TRPM3: variants seen among roughly 807,000 people sequenced by gnomAD.
TRPM3 encodes the protein transient receptor potential cation channel subfamily M member 3, also known as long transient receptor potential channel 3.
TRPM3 carries 77 observed loss-of-function variants against 181.2 expected under a neutral mutation model. The observed-to-expected ratio is 0.42, with a 90% CI of 0.35 to 0.51. The LOEUF is 0.51. Among genes scored for constraint, TRPM3 ranks in the 20% least tolerant of loss-of-function variants. The pLI, the probability that TRPM3 is intolerant of heterozygous loss-of-function variation, is 0.01. For synonymous variants in TRPM3, 745 were observed against 796.4 expected (o/e 0.94, Z 1.09); for missense variants, 1,759 against 2,196.7 (o/e 0.80, Z 3.98).
chr9:71,439,938 G>A (rs1325904853), intron 1 of TRPM3, among the ~76,000 whole-genome samples: 2 of 151,884 alleles, frequency 1.3e-5, no homozygotes, highest in Admixed American at 6.6e-5. Context: ...TGGCTAACAC[G>A]GTGAAACCCT....
chr9:70,784,067 C>A, intron 7 of TRPM3, 38 bp downstream of exon 7: 2 of 1,600,084 alleles, frequency 1.2e-6, no homozygotes, highest in Non-Finnish European at 8.5e-7. Context: ...TCCAAACAGG[C>A]TTTAGGGTTC....
chr9:71,295,512 A>G (rs2086187702), intron 1 of TRPM3, among the ~76,000 whole-genome samples: 1 of 151,406 alleles, frequency 6.6e-6, no homozygotes, highest in Non-Finnish European at 1.5e-5. Context: ...CTTATAAAGT[A>G]TGAACATGTA....
chr9:70,697,876 C>T (rs10780961), intron 8 of TRPM3, among the ~76,000 whole-genome samples: 32,640 of 152,048 alleles, frequency 0.21, 4,251 homozygotes, highest in Non-Finnish European at 0.29. Flanking sequence ...CAGGTCTGGG[C>T]TACTATCCCC....
At chr9:70,652,184 G>T (rs1414291002) in intron 9 of TRPM3, among the ~76,000 whole-genome samples, 1 of 152,128 alleles carries the variant, frequency 6.6e-6, no homozygotes, top group East Asian at 1.9e-4. Context: ...TATATGAACA[G>T]AAATAGGAAA....
At chr9:71,133,858 C>T (rs961754053) in intron 1 of TRPM3, among the ~76,000 whole-genome samples, 3 of 152,140 alleles carry the variant, frequency 2.0e-5, no homozygotes, top group African/African-American at 7.2e-5. Context: ...CAAACACTTA[C>T]TTACATATTC....
intron 1 of TRPM3, among the ~76,000 whole-genome samples, chr9:70,895,357 C>T (rs75704310): frequency 0.065 from 9,884 of 152,264 alleles, 351 homozygotes; most frequent in South Asian, 0.086. Flanking sequence ...TGGAAGATAG[C>T]TTACACTTTG....
chr9:70,993,065 G>C (rs575599740), intron 1 of TRPM3, among the ~76,000 whole-genome samples: 1 of 152,326 alleles, frequency 6.6e-6, no homozygotes, highest in South Asian at 2.1e-4. Context: ...TGTGCAGTAA[G>C]TAAGGGGTTG....
intron 1 of TRPM3, among the ~76,000 whole-genome samples, chr9:71,429,659 C>T (rs927925623): frequency 7.9e-5 from 12 of 152,194 alleles, no homozygotes; most frequent in African/African-American, 2.9e-4. Flanking sequence ...TCCTACATTA[C>T]TCACAGTGTA....
intron 1 of TRPM3, among the ~76,000 whole-genome samples, chr9:71,307,922 T>TA (rs2132376448): frequency 6.6e-6 from 1 of 152,160 alleles, no homozygotes; most frequent in Admixed American, 6.5e-5. Flanking sequence ...ACTTTGAACT[T>TA]ACCTATATTA....
At chr9:71,278,269 T>C (rs964930834) in intron 1 of TRPM3, among the ~76,000 whole-genome samples, 1 of 152,162 alleles carries the variant, frequency 6.6e-6, no homozygotes, top group Non-Finnish European at 1.5e-5. Context: ...ACAACCTTTG[T>C]AGAGGTGATA....
intron 20 of TRPM3, among the ~76,000 whole-genome samples, chr9:70,601,951 C>T (rs2060072766): frequency 6.6e-6 from 1 of 152,128 alleles, no homozygotes; most frequent in Admixed American, 6.5e-5. Context: ...CAGGAGCGGG[C>T]CTCAGTTCTC....
chr9:70,570,761 C>A (rs1314619018), intron 22 of TRPM3, among the ~76,000 whole-genome samples: 1 of 152,074 alleles, frequency 6.6e-6, no homozygotes, highest in Non-Finnish European at 1.5e-5. Context: ...GATTCAGGTA[C>A]CAAGTGTCCA....
At chr9:71,423,109 T>A (rs902311638) in intron 1 of TRPM3, among the ~76,000 whole-genome samples, 6 of 152,104 alleles carry the variant, frequency 3.9e-5, no homozygotes, top group Admixed American at 3.9e-4. Flanking sequence ...TGGTTGCTCA[T>A]CAAAGAAAAA....
chr9:71,440,644 TG>T (rs1346780068), intron 1 of TRPM3, among the ~76,000 whole-genome samples: 1 of 152,236 alleles, frequency 6.6e-6, no homozygotes, highest in African/African-American at 2.4e-5. Context: ...ATCTCTGTGT[TG>T]TCACTTTGCA....
At chr9:71,031,354 G>A (rs988898136) in intron 1 of TRPM3, among the ~76,000 whole-genome samples, 6 of 152,166 alleles carry the variant, frequency 3.9e-5, no homozygotes, top group Non-Finnish European at 8.8e-5. Flanking sequence ...CCTCATTTGA[G>A]TTTGAATATC....
intron 1 of TRPM3, among the ~76,000 whole-genome samples, chr9:71,040,126 TG>T (rs1270699127): frequency 2.0e-5 from 3 of 152,200 alleles, no homozygotes; most frequent in Non-Finnish European, 4.4e-5. Flanking sequence ...AAGGCTTTAC[TG>T]GTTCCAAATC....
At chr9:70,642,903 G>A (rs1462050247) in intron 9 of TRPM3, among the ~76,000 whole-genome samples, 2 of 152,128 alleles carry the variant, frequency 1.3e-5, no homozygotes, top group African/African-American at 2.4e-5. Context: ...CAGCTCCCAG[G>A]TGAGGCCGCT....
At position 70,537,126 on chromosome 9, in the gene TRPM3, A is replaced by C. The variant is rs371610217; in HGVS notation, c.3987T>G (p.Pro1329=). The change falls in exon 26 of 26, where the codon CCT becomes CCG. Residue 1329 remains proline (P), a synonymous_variant. Transcript: ENST00000677713. ...TTGGGGACATGGTCTCCTCACCTGC[A>C]GGGTCTATACTCTCTTGGAGCTTGA... ...NTFKLQESID[P]AGEETMSPTS... is the part of the protein sequence containing the mutation. 2.0e-4 allele frequency: 316 copies of C among 1,607,492 alleles called. 3 individuals are homozygous for C. The South Asian group carries it at 3.3e-3, about 17-fold the overall frequency.
At chr9:70,579,373 C>T (rs1395398504) in intron 22 of TRPM3, 1 of 152,214 alleles carries the variant, frequency 6.6e-6, no homozygotes, top group Non-Finnish European at 1.5e-5. Flanking sequence ...ACACAGCACA[C>T]TATAACCCAG....
Sources: gnomAD v4.1 joint callset for allele counts (sites outside exome capture counted in the v4.1 genomes callset) on GRCh38, gnomAD v4.1.1 for gene constraint, MANE v1.5 for transcripts, NCBI Gene and HGNC (gene_info 2026-07-23, HGNC 2026-07-21) for gene names.